The following CSMD2 variants were observed in gnomAD, a reference collection of about 807,000 sequenced individuals.
CSMD2 encodes the protein CUB and Sushi multiple domains 2.
CSMD2 carries 130 observed loss-of-function variants against 398.5 expected under a neutral mutation model. The ratio of observed to expected loss-of-function variants is 0.33; its 90% CI spans 0.28 to 0.38. CSMD2 has a LOEUF of 0.38. Ranked by LOEUF, CSMD2 falls within the 10% of genes least tolerant of loss-of-function variation. CSMD2 has a pLI of 1.00. For synonymous variants in CSMD2, 1,828 were observed against 1,908.5 expected, an observed-to-expected ratio of 0.96 and a Z score of 1.10; for missense variants, 3,829 against 4,764.9, an observed-to-expected ratio of 0.80 and a Z score of 5.78.
In CSMD2 at chr1:33,724,392, C is replaced by T. The variant is rs570047161; in HGVS notation, c.2885-79G>A. On this transcript the variant is annotated intron_variant, in intron 18 of 70. Transcript: ENST00000373381. The stretch of plus-strand genomic sequence containing the variant: ...CCCGTCATCCTCCTGGGACCCCATC[C>T]CCCATCTCTCGAAAGCCCAACCTTC... The T allele has an allele frequency of 7.4e-6, 11 of 1,494,296 alleles. No homozygotes were observed. In the African/African-American group the frequency reaches 1.1e-4, roughly 15 times the overall value. 92.6% of individuals were successfully genotyped at this position (1,494,296 alleles called of 1,614,324 possible). A position where few individuals can be genotyped will look rare whatever the true frequency, so the allele number is the denominator to read the frequency against.
At chr1:33,890,844 T>C (rs1208709876) in intron 5 of CSMD2, among the ~76,000 whole-genome samples, 3 of 152,168 alleles carry the variant, frequency 2.0e-5, no homozygotes, top group African/African-American at 7.2e-5. Context: ...GCTAGCCATA[T>C]GCAGAAAGCT....
intron 55 of CSMD2, among the ~76,000 whole-genome samples, chr1:33,550,896 GA>G (rs1657384403): frequency 6.6e-6 from 1 of 152,222 alleles, no homozygotes. Flanking sequence ...TAGAACACCA[GA>G]ATTGAGATGT....
intron 4 of CSMD2, among the ~76,000 whole-genome samples, chr1:33,923,302 C>T (rs549235578): frequency 6.6e-6 from 1 of 152,202 alleles, no homozygotes; most frequent in South Asian, 2.1e-4. Flanking sequence ...AGTGAGTCAT[C>T]TCGAGAGCTG....
At chr1:34,102,155 C>T (rs758188754) in intron 1 of CSMD2, among the ~76,000 whole-genome samples, 61 of 152,098 alleles carry the variant, frequency 4.0e-4, no homozygotes, top group African/African-American at 1.3e-3. Flanking sequence ...CTCAGCCTCC[C>T]GATTAGCTGG....
At chr1:33,645,667 G>T (rs1643385845) in intron 29 of CSMD2, among the ~76,000 whole-genome samples, 1 of 152,202 alleles carries the variant, frequency 6.6e-6, no homozygotes, top group Non-Finnish European at 1.5e-5. Context: ...ATTACAGAAT[G>T]CATGATATGT....
chr1:33,717,650 T>A (rs1385182925), intron 19 of CSMD2, among the ~76,000 whole-genome samples: 2 of 151,640 alleles, frequency 1.3e-5, no homozygotes, highest in Non-Finnish European at 2.9e-5. Flanking sequence ...AAAGGGGGAC[T>A]ACAGAGGTAG....
chr1:33,686,566 C>G (rs1238609703), intron 25 of CSMD2, among the ~76,000 whole-genome samples: 1 of 152,232 alleles, frequency 6.6e-6, no homozygotes, highest in Non-Finnish European at 1.5e-5. Flanking sequence ...GGACCACACC[C>G]AAGGGTAAGC....
chr1:34,040,923 G>A (rs535730276), intron 2 of CSMD2, among the ~76,000 whole-genome samples: 1 of 152,188 alleles, frequency 6.6e-6, no homozygotes, highest in South Asian at 2.1e-4. Flanking sequence ...CCAGGAGTTC[G>A]AGATCACCCT....
intron 1 of CSMD2, among the ~76,000 whole-genome samples, chr1:34,124,430 T>C (rs564259074): frequency 2.4e-4 from 36 of 152,170 alleles, no homozygotes; most frequent in African/African-American, 7.0e-4. Flanking sequence ...TGGACAGATA[T>C]GGGGATAGGG....
intron 3 of CSMD2, among the ~76,000 whole-genome samples, chr1:33,944,904 T>C (rs1558142504): frequency 6.6e-6 from 1 of 152,108 alleles, no homozygotes; most frequent in Non-Finnish European, 1.5e-5. Flanking sequence ...TTTCACTGCT[T>C]CCCCAGTGTG....
At chr1:33,970,611 G>A (rs928322447) in intron 3 of CSMD2, among the ~76,000 whole-genome samples, 2 of 152,174 alleles carry the variant, frequency 1.3e-5, no homozygotes, top group African/African-American at 4.8e-5. Flanking sequence ...TCCCAGCCCG[G>A]GCCTTCCCCA....
intron 5 of CSMD2, among the ~76,000 whole-genome samples, chr1:33,872,285 G>A (rs1381475323): frequency 6.6e-6 from 1 of 152,148 alleles, no homozygotes; most frequent in Admixed American, 6.5e-5. Flanking sequence ...AAGTTAAAGT[G>A]AGACAGGACC....
intron 1 of CSMD2, among the ~76,000 whole-genome samples, chr1:34,118,172 T>C (rs1661796794): frequency 6.6e-6 from 1 of 152,130 alleles, no homozygotes; most frequent in Admixed American, 6.6e-5. Flanking sequence ...GCCAAGATCA[T>C]GCCATTGCAC....
At chr1:33,608,152 G>A (rs1640755137) in intron 41 of CSMD2, among the ~76,000 whole-genome samples, 1 of 152,040 alleles carries the variant, frequency 6.6e-6, no homozygotes, top group African/African-American at 2.4e-5. Context: ...TCAGGGGCGA[G>A]TGAGCCCAAG....
chr1:33,587,555 G>A (rs1639173111), intron 44 of CSMD2, among the ~76,000 whole-genome samples: 1 of 152,218 alleles, frequency 6.6e-6, no homozygotes, highest in Non-Finnish European at 1.5e-5. Flanking sequence ...GAAAGGTGAA[G>A]TAAGTTCCTC....
chr1:34,099,424 C>T (rs984878638), intron 1 of CSMD2, among the ~76,000 whole-genome samples: 2 of 152,210 alleles, frequency 1.3e-5, no homozygotes, highest in East Asian at 1.9e-4. Context: ...AGGGCCTCCC[C>T]GATTCGTGTT....
At chr1:33,693,984 A>C (rs968404615) in intron 24 of CSMD2, among the ~76,000 whole-genome samples, 1 of 152,084 alleles carries the variant, frequency 6.6e-6, no homozygotes, top group South Asian at 2.1e-4. Flanking sequence ...ACTTGAACCC[A>C]GGAGGTGGAG....
intron 5 of CSMD2, among the ~76,000 whole-genome samples, chr1:33,862,709 G>A (rs541691932): frequency 4.6e-5 from 7 of 152,246 alleles, no homozygotes; most frequent in Non-Finnish European, 8.8e-5. Context: ...GTCCCCTGGA[G>A]GGGCTTCCCT....
chr1:33,581,031 C>G lies in CSMD2; in HGVS notation c.7241-132G>C, dbSNP rs529557145. 2.4e-5 allele frequency: 19 copies of G among 801,282 alleles called. No individual in the cohort carries two copies. The African/African-American group carries it at 3.1e-4, about 13-fold the overall frequency. The allele number at this position is 801,282 out of a possible 1,614,324, so 49.6% of individuals were successfully genotyped here. A position where few individuals can be genotyped will look rare whatever the true frequency, so the allele number is the denominator to read the frequency against. ...AAATCATTTGTACTTGCACTCCTCT[C>G]TCTGCATCCACAGGCATTGCTCAAG... On this transcript the variant is annotated intron_variant, in intron 47 of 70. Transcript: ENST00000373381.
Sources: gnomAD v4.1 joint callset for allele counts (sites outside exome capture counted in the v4.1 genomes callset) on GRCh38, gnomAD v4.1.1 for gene constraint, MANE v1.5 for transcripts, NCBI Gene and HGNC (gene_info 2026-07-23, HGNC 2026-07-21) for gene names.